Variants in ENPP2 observed in about 807,000 individuals in gnomAD.
ENPP2 encodes the protein ectonucleotide pyrophosphatase/phosphodiesterase 2, also known as autotaxin.
In ENPP2, 51 loss-of-function variants were observed where a neutral mutation model predicts 120.2. The observed-to-expected ratio is 0.42, with a 90% CI of 0.34 to 0.54. The LOEUF is 0.54. ENPP2 is among the 20% of genes least tolerant of loss of function. The pLI is 0.04. For synonymous variants in ENPP2, 365 were observed against 366.4 expected (o/e 1.00, Z 0.04); for missense variants, 920 against 1,066.5 (o/e 0.86, Z 1.91).
intron 1 of ENPP2, among the ~76,000 whole-genome samples, chr8:119,669,710 A>G (rs1818184198): frequency 6.6e-6 from 1 of 152,218 alleles, no homozygotes; most frequent in Non-Finnish European, 1.5e-5. Flanking sequence ...GAAAGTTCAT[A>G]CAAAGTGCAA....
intron 2 of ENPP2, among the ~76,000 whole-genome samples, chr8:119,628,342 C>T (rs779337065): frequency 2.0e-5 from 3 of 152,128 alleles, no homozygotes; most frequent in Admixed American, 6.5e-5. Context: ...GACCTATCAA[C>T]ATGTTTAAAT....
intron 15 of ENPP2, among the ~76,000 whole-genome samples, chr8:119,585,616 T>C (rs770287708): frequency 6.6e-6 from 1 of 152,170 alleles, no homozygotes; most frequent in South Asian, 2.1e-4. Flanking sequence ...TTGGAAGTTG[T>C]TAGAGCCTCC....
intron 12 of ENPP2, among the ~76,000 whole-genome samples, chr8:119,590,930 G>A (rs1813453862): frequency 7.4e-6 from 1 of 134,464 alleles, no homozygotes; most frequent in African/African-American, 2.8e-5. Flanking sequence ...AAGTCACCAT[G>A]ATTTAAACAA....
intron 22 of ENPP2, 85 bp downstream of exon 22, chr8:119,568,090 T>C (rs899429400): frequency 1.3e-6 from 1 of 767,078 alleles, no homozygotes; most frequent in Non-Finnish European, 2.3e-6. Flanking sequence ...CTTATTAAAA[T>C]TAACAGAGGT....
intron 18 of ENPP2, 194 bp from the exon 19 acceptor site, chr8:119,580,361 T>C (rs1397321895): frequency 1.7e-6 from 1 of 604,150 alleles, no homozygotes; most frequent in Non-Finnish European, 3.0e-6. Flanking sequence ...CTAGCAGTTC[T>C]ATGTTTGTAA....
At chr8:119,669,129 T>G (rs1028556896) in intron 1 of ENPP2, among the ~76,000 whole-genome samples, 1 of 152,246 alleles carries the variant, frequency 6.6e-6, no homozygotes, top group Non-Finnish European at 1.5e-5. Context: ...ATATCAATGA[T>G]GCTGAATAAA....
At chr8:119,616,199 TG>T in intron 8 of ENPP2, 65 bp downstream of exon 8, 1 of 1,479,022 alleles carries the variant, frequency 6.8e-7, no homozygotes, top group Non-Finnish European at 9.2e-7. Flanking sequence ...CTAACAAATT[TG>T]GGGATGAAAT....
At chr8:119,600,252 C>A (rs1282102699) in intron 11 of ENPP2, among the ~76,000 whole-genome samples, 3 of 152,144 alleles carry the variant, frequency 2.0e-5, no homozygotes, top group African/African-American at 7.2e-5. Context: ...CTTAGCTGAT[C>A]TACCCTCTCT....
chr8:119,609,049 C>T (rs1814916448), intron 8 of ENPP2, among the ~76,000 whole-genome samples: 1 of 152,138 alleles, frequency 6.6e-6, no homozygotes, highest in South Asian at 2.1e-4. Flanking sequence ...CAAAAATGAT[C>T]TGGGAATTGT....
At chr8:119,615,910 C>T (rs1815423370) in intron 8 of ENPP2, among the ~76,000 whole-genome samples, 1 of 152,072 alleles carries the variant, frequency 6.6e-6, no homozygotes, top group Non-Finnish European at 1.5e-5. Context: ...TATCATCTCA[C>T]TTTTATAATC....
rs1402281022 is a variant in ENPP2 at position 119,557,303 on chromosome 8, C to G, written c.*218G>C. The G allele has an allele frequency of 2.1e-6, 1 of 473,016 alleles. No homozygotes were observed. Among genetic ancestry groups the G allele is most frequent in the Non-Finnish European group, 3.7e-6 (1 of 269,172 alleles). 29.3% of individuals were successfully genotyped at this position (473,016 alleles called of 1,614,324 possible). Reference sequence around the variant, plus strand: ...CATTTAGAAGCTTCCACTAAAAACTCAAGCTGCAGTATTTATTACAAGCTC... The same window carrying G: ...CATTTAGAAGCTTCCACTAAAAACTGAAGCTGCAGTATTTATTACAAGCTC... On this transcript the variant is annotated 3_prime_UTR_variant, in exon 25 of 25. Transcript: ENST00000075322.
intron 22 of ENPP2, among the ~76,000 whole-genome samples, chr8:119,566,793 C>A (rs1240298007): frequency 6.6e-6 from 1 of 152,134 alleles, no homozygotes; most frequent in Non-Finnish European, 1.5e-5. Context: ...TTAAATGAAG[C>A]TGCATTCTAT....
At chr8:119,565,701 C>G (rs929402773) in intron 22 of ENPP2, among the ~76,000 whole-genome samples, 1 of 135,954 alleles carries the variant, frequency 7.4e-6, no homozygotes, top group African/African-American at 2.9e-5. Context: ...TTTCACTGCT[C>G]TATCCTGGTC....
Position 119,582,548 on chromosome 8 carries a change from T to C in ENPP2, c.1598A>G (p.His533Arg), listed in dbSNP as rs1352519988. 3 of 1,613,906 alleles carry C rather than the reference T, an allele frequency of 1.9e-6. No homozygotes were observed. Among genetic ancestry groups the C allele is most frequent in the Non-Finnish European group, 1.7e-6 (2 of 1,179,770 alleles). ...PNNGTHGSLNHLLRTNTFRPT... is the reference protein window; with the variant it reads ...PNNGTHGSLNRLLRTNTFRPT... ...CCTGAAGGTATTAGTGCGCAGGAGATGATTCAAACTTCCATGGGTCCCATT... is the reference window on the plus strand; with the variant it reads ...CCTGAAGGTATTAGTGCGCAGGAGACGATTCAAACTTCCATGGGTCCCATT... The change falls in exon 18 of 25, where the codon CAT becomes CGT. Residue 533 changes from histidine to arginine, a missense_variant. Coordinates refer to ENST00000075322, the MANE Select transcript of ENPP2 (RefSeq NM_001040092.3).
upstream of ENPP2, among the ~76,000 whole-genome samples, chr8:119,643,607 T>C (rs908825875): frequency 2.0e-5 from 3 of 152,226 alleles, no homozygotes; most frequent in African/African-American, 4.8e-5. Flanking sequence ...CCTGTATGAA[T>C]GTTGCACAAA....
intron 21 of ENPP2, 26 bp from the exon 22 acceptor site, chr8:119,568,278 T>C (rs774836102): frequency 7.0e-6 from 9 of 1,282,096 alleles, no homozygotes; most frequent in South Asian, 1.3e-5. Context: ...ACAAATAGTA[T>C]ACGTTGCTTA....
At position 119,626,679 on chromosome 8, in the gene ENPP2, T is replaced by TG. The variant is rs1175788574; in HGVS notation, c.177dup (p.Lys60GlnfsTer6). The TG allele has an allele frequency of 6.2e-7, 1 of 1,614,098 alleles. No individual in the cohort carries two copies. Among genetic ancestry groups the TG allele is most frequent in the Non-Finnish European group, 8.5e-7 (1 of 1,179,958 alleles). On this transcript the variant is annotated frameshift_variant, in exon 3 of 25. Coordinates refer to ENST00000075322, the MANE Select transcript of ENPP2 (RefSeq NM_001040092.3). LOFTEE classifies it high-confidence loss of function. ...TCTTGAAGTTCAAAGCACCTGCCCT[T>TG]GCAAGATCCGGAGATGTTGGTCCAG...
chr8:119,588,455 G>A (rs1813268085), intron 13 of ENPP2, among the ~76,000 whole-genome samples: 1 of 148,654 alleles, frequency 6.7e-6, no homozygotes, highest in Admixed American at 6.8e-5. Context: ...CTTGAACCCA[G>A]GAGGCAGAGG....
chr8:119,659,334 A>AC (rs766625649), intron 1 of ENPP2, among the ~76,000 whole-genome samples: 1 of 130,740 alleles, frequency 7.6e-6, no homozygotes, highest in Admixed American at 7.8e-5. Flanking sequence ...AAAAAAAAAA[A>AC]AAACCAGAGT....
Sources: allele counts gnomAD v4.1 joint callset (sites outside exome capture counted in the v4.1 genomes callset), GRCh38; gene constraint gnomAD v4.1.1; transcripts MANE v1.5; gene names NCBI Gene and HGNC (gene_info 2026-07-23, HGNC 2026-07-21).